The following MTREX variants were observed in gnomAD, a reference collection of about 807,000 sequenced individuals.
MTREX encodes Mtr4 exosome RNA helicase.
In MTREX, 76 loss-of-function variants were observed where a neutral mutation model predicts 135.4. That is an observed-to-expected ratio of 0.56 (90% CI 0.47 to 0.68). MTREX has a LOEUF of 0.68. Ranked by LOEUF, MTREX falls within the 30% of genes least tolerant of loss-of-function variation. The probability of loss-of-function intolerance (pLI) is 0.00; values close to 1 mark genes in which losing one functional copy is unlikely to be tolerated. For synonymous variants in MTREX, 404 were observed against 401.6 expected, an observed-to-expected ratio of 1.01 and a Z score of -0.07; for missense variants, 920 against 1,262.1, an observed-to-expected ratio of 0.73 and a Z score of 4.11.
At chr5:55,327,034 C>T (rs543137320) in intron 3 of MTREX, among the ~76,000 whole-genome samples, 1 of 152,320 alleles carries the variant, frequency 6.6e-6, no homozygotes, top group African/African-American at 2.4e-5. Context: ...AACTCATCAA[C>T]TTTTATGGCT....
chr5:55,323,783 G>A (rs1749326355), intron 2 of MTREX, among the ~76,000 whole-genome samples: 2 of 152,162 alleles, frequency 1.3e-5, no homozygotes, highest in Admixed American at 1.3e-4. Context: ...ACTTTCTATT[G>A]TGTAATGGTT....
At chr5:55,399,549 G>A (rs1299869912) in intron 20 of MTREX, among the ~76,000 whole-genome samples, 10 of 152,008 alleles carry the variant, frequency 6.6e-5, no homozygotes, top group South Asian at 4.1e-4. Flanking sequence ...GTGCAGTGGC[G>A]CAATCTCGGC....
At chr5:55,340,234 G>A (rs780827401) in intron 6 of MTREX, 50 bp downstream of exon 6, 2 of 1,377,928 alleles carry the variant, frequency 1.5e-6, no homozygotes, top group African/African-American at 1.5e-5. Context: ...TTAAATTAAT[G>A]TGACTATTCA....
At chr5:55,423,114 G>T in intron 26 of MTREX, 132 bp downstream of exon 26, 1 of 650,002 alleles carries the variant, frequency 1.5e-6, no homozygotes, top group Non-Finnish European at 2.7e-6. Flanking sequence ...CTATCTACTA[G>T]TGTTTCTATA....
intron 14 of MTREX, among the ~76,000 whole-genome samples, chr5:55,355,650 A>T (rs1451565721): frequency 6.6e-6 from 1 of 152,202 alleles, no homozygotes; most frequent in Non-Finnish European, 1.5e-5. Context: ...CTACCACCAG[A>T]GCTCTTGGCG....
rs16884192 is a variant in MTREX at position 55,425,528 on chromosome 5, C to A, written c.*756C>A. ...CCAAATTAAGAGTTGCTTTGTTATGCCTTCAGCAAATAGCTTCATTTTGCC... is the reference window on the plus strand; with the variant it reads ...CCAAATTAAGAGTTGCTTTGTTATGACTTCAGCAAATAGCTTCATTTTGCC... On this transcript the variant is annotated 3_prime_UTR_variant, in exon 27 of 27. Coordinates refer to ENST00000230640, the MANE Select transcript of MTREX (RefSeq NM_015360.5). 3,165 of 517,712 alleles carry A rather than the reference C, an allele frequency of 6.1e-3. 92 individuals are homozygous for A. In the East Asian group the frequency reaches 0.077, roughly 13 times the overall value. The allele number at this position is 517,712 out of a possible 1,614,324, so 32.1% of individuals were successfully genotyped here.
intron 24 of MTREX, among the ~76,000 whole-genome samples, chr5:55,415,322 AAACCTGTACATG>A (rs1750950695): frequency 6.6e-6 from 1 of 152,116 alleles, no homozygotes; most frequent in African/African-American, 2.4e-5. Flanking sequence ...CCTAGATAAG[AAACCTGTACATG>A]AACCCCTGAG....
rs112105135 is a variant in MTREX at position 55,369,065 on chromosome 5, TAA to T, written c.1810+2193_1810+2194del. 6.4e-3 allele frequency among the ~76,000 whole-genome samples: 968 copies of T among 152,034 alleles called. 15 individuals carry two copies. Among genetic ancestry groups the T allele is most frequent in the African/African-American group, 0.021 (862 of 41,528 alleles). On this transcript the variant is annotated intron_variant, in intron 16 of 26. Transcript: ENST00000230640. ...TTCTAGTCTCAGAGAAGTGTATTTT[TAA>T]AAGAGCTATAAATCCCTTTCTCCCA... is the stretch of plus-strand genomic sequence containing the variant.
chr5:55,388,656 G>A (rs1437824642), intron 19 of MTREX, among the ~76,000 whole-genome samples: 5 of 152,144 alleles, frequency 3.3e-5, no homozygotes, highest in Non-Finnish European at 7.4e-5. Flanking sequence ...GTTATGTTTG[G>A]TACATTAGGT....
At chr5:55,422,076 C>T (rs1357820238) in intron 25 of MTREX, among the ~76,000 whole-genome samples, 1 of 152,134 alleles carries the variant, frequency 6.6e-6, no homozygotes, top group African/African-American at 2.4e-5. Context: ...TTCCTACAGA[C>T]TGCATTTTGA....
At chr5:55,315,189 C>A (rs1362325756) in intron 1 of MTREX, among the ~76,000 whole-genome samples, 2 of 152,000 alleles carry the variant, frequency 1.3e-5, no homozygotes, top group Non-Finnish European at 2.9e-5. Flanking sequence ...TATTTCAATT[C>A]GTGTTAATTT....
chr5:55,374,469 A>G (rs1470614219), intron 16 of MTREX, among the ~76,000 whole-genome samples: 1 of 151,790 alleles, frequency 6.6e-6, no homozygotes, highest in Non-Finnish European at 1.5e-5. Flanking sequence ...TTATTTTTGT[A>G]GAGATGGAAT....
At chr5:55,345,285 C>T in intron 10 of MTREX, 89 bp downstream of exon 10, 1 of 835,646 alleles carries the variant, frequency 1.2e-6, no homozygotes, top group Non-Finnish European at 2.0e-6. Context: ...TTTTTTTTCT[C>T]AAGCTATGTA....
At chr5:55,382,041 A>C (rs1176819874) in intron 18 of MTREX, among the ~76,000 whole-genome samples, 2 of 152,024 alleles carry the variant, frequency 1.3e-5, no homozygotes, top group Non-Finnish European at 2.9e-5. Context: ...TATATCAGTA[A>C]ATTTAAAGTG....
At position 55,378,248 on chromosome 5, in the gene MTREX, A is replaced by G. The variant is rs543506686; in HGVS notation, c.1811-66A>G. On this transcript the variant is annotated intron_variant, in intron 16 of 26. Coordinates refer to ENST00000230640, the MANE Select transcript of MTREX (RefSeq NM_015360.5). ...GCACCAACCTAATAGAAAAAATCCT[A>G]TGTCTTGGGTATAATTTAAATAAGA... 1.5e-5 allele frequency: 22 copies of G among 1,467,888 alleles called. No individual in the cohort carries two copies. The African/African-American group carries it at 2.2e-4, about 15-fold the overall frequency. 90.9% of individuals were successfully genotyped at this position (1,467,888 alleles called of 1,614,324 possible). A position where few individuals can be genotyped will look rare whatever the true frequency, so the allele number is the denominator to read the frequency against.
At chr5:55,347,526 C>T (rs952783421) in intron 11 of MTREX, among the ~76,000 whole-genome samples, 1 of 152,216 alleles carries the variant, frequency 6.6e-6, no homozygotes, top group African/African-American at 2.4e-5. Flanking sequence ...TTCATTCTCA[C>T]TGAAGTCTAA....
chr5:55,328,075 A>C (rs531285287), intron 4 of MTREX, among the ~76,000 whole-genome samples: 1 of 152,126 alleles, frequency 6.6e-6, no homozygotes, highest in East Asian at 1.9e-4. Flanking sequence ...GTTTTTGCCT[A>C]TAGTTTTAGG....
chr5:55,315,397 C>T (rs182897835), intron 1 of MTREX, among the ~76,000 whole-genome samples: 92 of 152,154 alleles, frequency 6.0e-4, no homozygotes, highest in African/African-American at 1.8e-3. Flanking sequence ...TCTTCAAATC[C>T]TTGTATGGTT....
At position 55,425,196 on chromosome 5, in the gene MTREX, C is replaced by T. The variant is rs1226949116; in HGVS notation, c.*424C>T. ...AACAGGCCAGCTTCACCTGGGCACCCTGCTGCCTTTCAAGGCTGGTGATTG... is the reference window on the plus strand; with the variant it reads ...AACAGGCCAGCTTCACCTGGGCACCTTGCTGCCTTTCAAGGCTGGTGATTG... On this transcript the variant is annotated 3_prime_UTR_variant, in exon 27 of 27. Coordinates refer to ENST00000230640, the MANE Select transcript of MTREX (RefSeq NM_015360.5). The T allele has an allele frequency of 6.2e-6, 10 of 1,611,598 alleles. No homozygotes were observed. The highest frequency in any genetic ancestry group is 8.5e-6 in the Non-Finnish European group (10 of 1,179,372).
Sources: gnomAD v4.1 joint callset for allele counts (sites outside exome capture counted in the v4.1 genomes callset) on GRCh38, gnomAD v4.1.1 for gene constraint, MANE v1.5 for transcripts, NCBI Gene and HGNC (gene_info 2026-07-23, HGNC 2026-07-21) for gene names.